The following LRP2BP variants were observed in gnomAD, a reference collection of about 807,000 sequenced individuals.
LRP2BP encodes LRP2 binding protein, also known as LRP2-binding protein.
A neutral mutation model predicts 45.2 loss-of-function variants in LRP2BP; 38 were observed. The ratio of observed to expected loss-of-function variants is 0.84; its 90% CI spans 0.65 to 1.10. The LOEUF is 1.10. Ranked by LOEUF, LRP2BP falls within the 50% of genes least tolerant of loss-of-function variation. The pLI, the probability that LRP2BP is intolerant of heterozygous loss-of-function variation, is 0.00. For missense variants in LRP2BP, 385 were observed against 418.9 expected (o/e 0.92, Z 0.71); for synonymous variants, 153 against 153.9 (o/e 0.99, Z 0.04).
chr4:185,372,781 A>AGG, intron 7 of LRP2BP, 75 bp downstream of exon 7: 1 of 1,291,956 alleles, frequency 7.7e-7, no homozygotes, highest in Non-Finnish European at 1.1e-6. Flanking sequence ...TGTGAGAAAT[A>AGG]AATTTCTGTT....
chr4:185,386,006 TAC>T (rs902830174), intron 1 of LRP2BP, among the ~76,000 whole-genome samples: 18 of 151,792 alleles, frequency 1.2e-4, no homozygotes, highest in African/African-American at 4.4e-4. Context: ...TCAGGGAAGA[TAC>T]AGATTTCAAT....
chr4:185,385,513 A>C (rs570289218), intron 1 of LRP2BP, among the ~76,000 whole-genome samples: 19 of 152,278 alleles, frequency 1.2e-4, no homozygotes, highest in Non-Finnish European at 2.4e-4. Context: ...GAACAGAAAA[A>C]CCAGATAAAT....
At chr4:185,392,411 A>G (rs1561096450) in intron 1 of LRP2BP, among the ~76,000 whole-genome samples, 1 of 152,176 alleles carries the variant, frequency 6.6e-6, no homozygotes, top group Non-Finnish European at 1.5e-5. Flanking sequence ...ATAACTATCC[A>G]ATTTATCATC....
At position 185,364,768 on chromosome 4, in the gene LRP2BP, G is replaced by A. The variant is rs990566008; in HGVS notation, c.*2412C>T. On this transcript the variant is annotated 3_prime_UTR_variant, in exon 9 of 9. Transcript: ENST00000505916. ...TCAAAAGACTATATAGAAAAGACCA[G>A]ATAAAATACATTCAAGGAAGAGAGG... 1 of 151,904 alleles carries A rather than the reference G, an allele frequency of 6.6e-6. No homozygotes were observed. Among genetic ancestry groups the A allele is most frequent in the Non-Finnish European group, 1.5e-5 (1 of 67,980 alleles). 9.4% of individuals were successfully genotyped at this position (151,904 alleles called of 1,614,324 possible). A position where few individuals can be genotyped will look rare whatever the true frequency, so the allele number is the denominator to read the frequency against.
intron 6 of LRP2BP, among the ~76,000 whole-genome samples, chr4:185,373,519 G>A (rs2095423031): frequency 6.6e-6 from 1 of 152,292 alleles, no homozygotes; most frequent in East Asian, 1.9e-4. Flanking sequence ...CAGGATAAAC[G>A]CTGTATGTAG....
Position 185,375,661 on chromosome 4 carries a change from G to C in LRP2BP, c.282C>G (p.Tyr94Ter). The C allele has an allele frequency of 6.2e-7, 1 of 1,611,946 alleles. No individual in the cohort carries two copies. Residue 94 changes from tyrosine to a stop codon, truncating the protein, a stop_gained, in exon 4 of 9, where the codon TAC becomes TAG. Transcript: ENST00000505916. LOFTEE classifies it high-confidence loss of function. ...EIKEKDHQAT[Y>*]QLGVMYYDGL... ...CATCATAGTACATCACTCCTAGCTG[G>C]TAAGTTGCTTGATGGTCTTTCTCCT...
intron 1 of LRP2BP, among the ~76,000 whole-genome samples, chr4:185,392,240 TA>T (rs1580018271): frequency 6.6e-6 from 1 of 152,240 alleles, no homozygotes; most frequent in Non-Finnish European, 1.5e-5. Flanking sequence ...TCCAAGTTCT[TA>T]TCACAACAGT....
At chr4:185,376,443 C>CTTTTTTT (rs34024562) in intron 3 of LRP2BP, among the ~76,000 whole-genome samples, 23 of 105,824 alleles carry the variant, frequency 2.2e-4, no homozygotes, top group African/African-American at 6.6e-4. Context: ...TGCCCAGCTA[C>CTTTTTTT]TTTTTTTTTT....
chr4:185,369,372 CA>C (rs1561073330), intron 8 of LRP2BP, among the ~76,000 whole-genome samples: 66 of 151,626 alleles, frequency 4.4e-4, no homozygotes, highest in African/African-American at 1.6e-3. Flanking sequence ...CACACATTGC[CA>C]TGCCTGGCTA....
intron 8 of LRP2BP, among the ~76,000 whole-genome samples, chr4:185,368,795 G>GTTTTTT (rs34691416): frequency 3.0e-5 from 4 of 133,086 alleles, no homozygotes; most frequent in African/African-American, 2.8e-5. Flanking sequence ...AATCTGTTTT[G>GTTTTTT]TTTTTTTTTT....
intron 7 of LRP2BP, among the ~76,000 whole-genome samples, chr4:185,372,347 T>C (rs979717738): frequency 6.6e-6 from 1 of 152,252 alleles, no homozygotes; most frequent in African/African-American, 2.4e-5. Context: ...AATTGTGCTA[T>C]CCAGTATGGT....
chr4:185,371,174 A>C (rs2095413449), intron 7 of LRP2BP: 1 of 177,434 alleles, frequency 5.6e-6, no homozygotes, highest in Admixed American at 5.6e-5. Context: ...TCACGTATGG[A>C]AACATCAACC....
chr4:185,379,812 TTCTCTC>T (rs34458591), intron 1 of LRP2BP, among the ~76,000 whole-genome samples: 1 of 149,704 alleles, frequency 6.7e-6, no homozygotes, highest in Admixed American at 6.7e-5. Context: ...ACCTGCGCAC[TTCTCTC>T]TCTCTCTCTC....
intron 1 of LRP2BP, 119 bp from the exon 2 acceptor site, chr4:185,378,326 A>G (rs2095445017): frequency 1.4e-6 from 2 of 1,454,870 alleles, no homozygotes; most frequent in African/African-American, 1.4e-5. Flanking sequence ...TCGCCTAGAT[A>G]GAACACCAAC....
rs951857294 is a variant in LRP2BP, at chr4:185,367,133, A to G, written c.*47T>C. On this transcript the variant is annotated 3_prime_UTR_variant, in exon 9 of 9. Transcript: ENST00000505916. ...ACATAGCTACTGTAAAAATACACAC[A>G]TTGTGAGGTGTTAGCATTGATGATC... The G allele has an allele frequency of 1.4e-6, 2 of 1,465,514 alleles. No homozygotes were observed. The highest frequency in any genetic ancestry group is 2.8e-5 in the African/African-American group (2 of 71,952). The allele number at this position is 1,465,514 out of a possible 1,614,324, so 90.8% of individuals were successfully genotyped here.
chr4:185,367,606 TA>T (rs2095394164), intron 8 of LRP2BP, among the ~76,000 whole-genome samples: 1 of 152,224 alleles, frequency 6.6e-6, no homozygotes, highest in African/African-American at 2.4e-5. Flanking sequence ...ACAGCATCTG[TA>T]AAATTTTATT....
chr4:185,384,240 C>G (rs1349409525), intron 1 of LRP2BP, among the ~76,000 whole-genome samples: 1 of 152,304 alleles, frequency 6.6e-6, no homozygotes, highest in East Asian at 1.9e-4. Context: ...GAGGACACAA[C>G]AAGGCACTGT....
At chr4:185,367,801 A>G (rs1232250230) in intron 8 of LRP2BP, among the ~76,000 whole-genome samples, 4 of 152,156 alleles carry the variant, frequency 2.6e-5, no homozygotes, top group Admixed American at 2.6e-4. Context: ...AGTAGCAGGA[A>G]GTTACACATT....
Position 185,394,963 on chromosome 4 carries a change from G to A in LRP2BP, c.-206C>T, listed in dbSNP as rs1400519490. 1 of 985,336 alleles carries A rather than the reference G, an allele frequency of 1.0e-6. No homozygotes were observed. Among genetic ancestry groups the A allele is most frequent in the African/African-American group, 1.7e-5 (1 of 57,210 alleles). The allele number at this position is 985,336 out of a possible 1,614,324, so 61.0% of individuals were successfully genotyped here. On this transcript the variant is annotated 5_prime_UTR_variant, in exon 1 of 9. Coordinates refer to ENST00000505916, the MANE Select transcript of LRP2BP (RefSeq NM_001377440.1). Reference sequence around the variant, plus strand: ...CTGCTACACGCCTGGTGAAACTCCAGTTACTTGCCAGTAAGATATTGTCCC... The same window carrying A: ...CTGCTACACGCCTGGTGAAACTCCAATTACTTGCCAGTAAGATATTGTCCC...
Sources: gnomAD v4.1 joint callset for allele counts (sites outside exome capture counted in the v4.1 genomes callset) on GRCh38, gnomAD v4.1.1 for gene constraint, MANE v1.5 for transcripts, NCBI Gene and HGNC (gene_info 2026-07-23, HGNC 2026-07-21) for gene names.